IQCH: variants seen among roughly 807,000 people sequenced by gnomAD.
IQCH encodes IQ domain-containing protein H.
In IQCH, 98 loss-of-function variants were observed where a neutral mutation model predicts 117.0. That is an observed-to-expected ratio of 0.84 (90% CI 0.71 to 0.99). The LOEUF (loss-of-function observed/expected upper bound fraction) is 0.99, where lower values mean the gene tolerates loss of function less well. IQCH is among the 50% of genes least tolerant of loss of function. The pLI, the probability that IQCH is intolerant of heterozygous loss-of-function variation, is 0.00. For synonymous variants in IQCH, 412 were observed against 448.2 expected (o/e 0.92, Z 1.02); for missense variants, 1,102 against 1,243.8 (o/e 0.89, Z 1.72).
In IQCH at chr15:67,479,234, A is replaced by G. The variant is rs969141764; in HGVS notation, c.2799+3416A>G. ...CTCATTTATTCTTCATGCCTGTCCT[A>G]TAAGAAGGTGTTATTTCTACCATAT... On this transcript the variant is annotated intron_variant, in intron 18 of 20. Transcript: ENST00000335894. This position sits in a 1 kb window ranked among gnomAD's most constrained non-coding sequence, Gnocchi z 4.6. Among the ~76,000 whole-genome samples, 9 of 152,318 alleles carry G rather than the reference A, an allele frequency of 5.9e-5. No individual in the cohort carries two copies. The East Asian group carries it at 1.5e-3, about 26-fold the overall frequency.
chr15:67,415,763 G>A (rs2081560738), intron 14 of IQCH, among the ~76,000 whole-genome samples: 1 of 152,130 alleles, frequency 6.6e-6, no homozygotes, highest in Non-Finnish European at 1.5e-5. Context: ...GCAACCTAAA[G>A]TAAATCTGAG....
chr15:67,455,761 G>A (rs966049346), intron 16 of IQCH, among the ~76,000 whole-genome samples: 1 of 152,182 alleles, frequency 6.6e-6, no homozygotes, highest in African/African-American at 2.4e-5. Context: ...TCAACTAAGA[G>A]AATCCTTCAC....
rs1424938891 is a variant in IQCH at position 67,391,841 on chromosome 15, G to A, written c.1632+2835G>A. Among the ~76,000 whole-genome samples the A allele has an allele frequency of 6.6e-6, 1 of 152,194 alleles. No individual in the cohort carries two copies. The highest frequency in any genetic ancestry group is 1.5e-5 in the Non-Finnish European group (1 of 68,040). On this transcript the variant is annotated intron_variant, in intron 12 of 20. Transcript: ENST00000335894. The surrounding 1 kb of genome is among the most constrained non-coding windows in gnomAD (Gnocchi z 4.3). ...TGGAGTCTAGGGCATGCCCGCAGAT[G>A]ACTATAATACAGAGTTGGGTAGAGT...
At position 67,366,676 on chromosome 15, in the gene IQCH, G is replaced by A. The variant is rs1211934850; in HGVS notation, c.754-5435G>A. ...TTTTATTCTCTTTGTAAAGGTTAAG[G>A]ACTCTGACTTCCACTTTTAATTGGC... On this transcript the variant is annotated intron_variant, in intron 8 of 20. Transcript: ENST00000335894. This position sits in a 1 kb window ranked among gnomAD's most constrained non-coding sequence, Gnocchi z 4.4. 6.6e-6 allele frequency among the ~76,000 whole-genome samples: 1 copy of A among 152,088 alleles called. No individual in the cohort carries two copies. The highest frequency in any genetic ancestry group is 1.5e-5 in the Non-Finnish European group (1 of 68,032).
intron 8 of IQCH, chr15:67,360,181 C>T (rs144512420): frequency 3.4e-5 from 12 of 357,642 alleles, no homozygotes; most frequent in African/African-American, 2.3e-4. Flanking sequence ...TCTTCAAATT[C>T]AATCAAAGAT....
chr15:67,398,164 G>A (rs1267744704), intron 13 of IQCH, among the ~76,000 whole-genome samples: 4 of 151,978 alleles, frequency 2.6e-5, no homozygotes, highest in Non-Finnish European at 5.9e-5. Context: ...GTCGAAACCT[G>A]CAAATATATA....
rs1375917528 is a variant in IQCH at position 67,463,183 on chromosome 15, C to T, written c.2506-1944C>T. Among the ~76,000 whole-genome samples, 1 of 152,020 alleles carries T rather than the reference C, an allele frequency of 6.6e-6. No homozygotes were observed. The highest frequency in any genetic ancestry group is 6.6e-5 in the Admixed American group (1 of 15,264). On this transcript the variant is annotated intron_variant, in intron 16 of 20. Coordinates refer to ENST00000335894, the MANE Select transcript of IQCH (RefSeq NM_001031715.3). This position sits in a 1 kb window ranked among gnomAD's most constrained non-coding sequence, Gnocchi z 4.0. ...TATTTTAACACACAGAGTTGGTGAG[C>T]GGGGTAAATACAGGCCTTCTAGGAG...
At chr15:67,302,358 G>T (rs1433589705) in intron 4 of IQCH, among the ~76,000 whole-genome samples, 1 of 152,108 alleles carries the variant, frequency 6.6e-6, no homozygotes, top group Non-Finnish European at 1.5e-5. Context: ...AATAGAAGAG[G>T]CAATCTGCTT....
Position 67,337,052 on chromosome 15 carries a change from C to G in IQCH, c.465C>G (p.Pro155=). The G allele has an allele frequency of 6.2e-7, 1 of 1,613,614 alleles. No individual in the cohort carries two copies. Among genetic ancestry groups the G allele is most frequent in the Non-Finnish European group, 8.5e-7 (1 of 1,179,688 alleles). ...TVLPSSHCTD[P]YFTPIPVLQA... ...TGCCATCTTCTCATTGCACAGATCC[C>G]TATTTCACTCCTATACCAGTCTTAC... The change falls in exon 5 of 21, where the codon CCC becomes CCG. Residue 155 remains proline, a synonymous_variant. Transcript: ENST00000335894.
At position 67,393,360 on chromosome 15, in the gene IQCH, CA is replaced by C. The variant is rs896122267; in HGVS notation, c.1633-1929del. On this transcript the variant is annotated intron_variant, in intron 12 of 20. Coordinates refer to ENST00000335894, the MANE Select transcript of IQCH (RefSeq NM_001031715.3). This position sits in a 1 kb window ranked among gnomAD's most constrained non-coding sequence, Gnocchi z 5.5. ...CTGGTGCATCTGATATTCCTTGAAA[CA>C]ATCACTTAGCATTTCTCCATATTTT... 1.3e-5 allele frequency among the ~76,000 whole-genome samples: 2 copies of C among 152,124 alleles called. No individual in the cohort carries two copies. The highest frequency in any genetic ancestry group is 4.8e-5 in the African/African-American group (2 of 41,424).
At chr15:67,346,750 C>G (rs1381602740) in intron 6 of IQCH, among the ~76,000 whole-genome samples, 1 of 152,122 alleles carries the variant, frequency 6.6e-6, no homozygotes, top group East Asian at 1.9e-4. Flanking sequence ...ACAGAACATG[C>G]ATTTACTTCA....
chr15:67,383,963 A>G (rs1177277822), intron 10 of IQCH, among the ~76,000 whole-genome samples: 2 of 152,200 alleles, frequency 1.3e-5, no homozygotes, highest in East Asian at 3.8e-4. Flanking sequence ...CTGAATTGCT[A>G]TAGTTTTCCT....
At chr15:67,435,657 G>C (rs182622617) in intron 16 of IQCH, among the ~76,000 whole-genome samples, 55 of 151,978 alleles carry the variant, frequency 3.6e-4, no homozygotes, top group African/African-American at 1.2e-3. Flanking sequence ...TGGATCACTT[G>C]AGGTCAGGAG....
At chr15:67,312,849 G>A (rs1435374903) in intron 4 of IQCH, among the ~76,000 whole-genome samples, 1 of 152,098 alleles carries the variant, frequency 6.6e-6, no homozygotes, top group Non-Finnish European at 1.5e-5. Context: ...TTCTTGAGAT[G>A]AATAAATACT....
In IQCH at chr15:67,497,466, C is replaced by T. The variant is rs1005885912; in HGVS notation, c.2970+3100C>T. Among the ~76,000 whole-genome samples the T allele has an allele frequency of 5.3e-5, 8 of 152,132 alleles. No homozygotes were observed. The South Asian group carries it at 1.0e-3, about 20-fold the overall frequency. On this transcript the variant is annotated intron_variant, in intron 20 of 20. Transcript: ENST00000335894. ...TTTCAAAAAATTCAAGTTACAATAG[C>T]ATCAAAAAGAATAAAACACTTAAGA...
chr15:67,451,963 C>T (rs564485229), intron 16 of IQCH, among the ~76,000 whole-genome samples: 269 of 152,272 alleles, frequency 1.8e-3, no homozygotes, highest in Non-Finnish European at 2.8e-3. Context: ...GAATTGATCC[C>T]TTTACCATTA....
At chr15:67,269,295 CT>C (rs1357190397) in intron 3 of IQCH, among the ~76,000 whole-genome samples, 1 of 152,094 alleles carries the variant, frequency 6.6e-6, no homozygotes, top group Admixed American at 6.5e-5. Context: ...AATGGGCATA[CT>C]TTTATCCTGC....
At chr15:67,256,032 C>A (rs1965171705) in intron 1 of IQCH, among the ~76,000 whole-genome samples, 4 of 152,194 alleles carry the variant, frequency 2.6e-5, no homozygotes, top group Non-Finnish European at 5.9e-5. Context: ...CACCTCACTT[C>A]AGACCAGCTG....
chr15:67,316,907 A>G (rs890352961), intron 4 of IQCH, among the ~76,000 whole-genome samples: 3 of 152,164 alleles, frequency 2.0e-5, no homozygotes, highest in Non-Finnish European at 4.4e-5. Context: ...GCCCAGTCAA[A>G]GATTGCTTTC....
Sources: gnomAD v4.1 joint callset for allele counts (sites outside exome capture counted in the v4.1 genomes callset) on GRCh38, gnomAD v4.1.1 for gene constraint, Gnocchi (gnomAD v3.1) non-coding constraint, MANE v1.5 for transcripts, NCBI Gene and HGNC (gene_info 2026-07-23, HGNC 2026-07-21) for gene names.